VPS13B: variants seen among roughly 807,000 people sequenced by gnomAD.
VPS13B encodes the protein intermembrane lipid transfer protein VPS13B.
In VPS13B, 285 loss-of-function variants were observed where a neutral mutation model predicts 426.4. The ratio of observed to expected loss-of-function variants is 0.67; its 90% CI spans 0.61 to 0.74. The LOEUF is 0.74. VPS13B is among the 30% of genes least tolerant of loss of function. The pLI, the probability that VPS13B is intolerant of heterozygous loss-of-function variation, is 0.00. For synonymous variants in VPS13B, 1,676 were observed against 1,676.4 expected (o/e 1.00, Z 0.01); for missense variants, 4,537 against 4,782.6 (o/e 0.95, Z 1.51).
intron 20 of VPS13B, among the ~76,000 whole-genome samples, chr8:99,384,596 A>G (rs1183571634): frequency 1.3e-5 from 2 of 152,204 alleles, no homozygotes; most frequent in Non-Finnish European, 2.9e-5. Flanking sequence ...TCATTCTTTC[A>G]TAGTGTCTAC....
intron 17 of VPS13B, among the ~76,000 whole-genome samples, chr8:99,236,250 AT>A (rs574131625): frequency 0.014 from 2,004 of 143,460 alleles, 15 homozygotes; most frequent in African/African-American, 0.031. Context: ...GTTGATGTCA[AT>A]TTTTTTTTTT....
At chr8:99,790,831 C>T (rs1470425081) in intron 43 of VPS13B, among the ~76,000 whole-genome samples, 1 of 152,110 alleles carries the variant, frequency 6.6e-6, no homozygotes, top group Non-Finnish European at 1.5e-5. Context: ...GCCACAGAGA[C>T]ATGAAACAAT....
chr8:99,801,043 CCAAA>C (rs901662326), intron 43 of VPS13B, among the ~76,000 whole-genome samples: 3 of 152,216 alleles, frequency 2.0e-5, no homozygotes, highest in South Asian at 4.2e-4. Flanking sequence ...TTTCAAACAG[CCAAA>C]CAGTGACTTT....
At chr8:99,381,814 T>A (rs557404615) in intron 19 of VPS13B, among the ~76,000 whole-genome samples, 81 of 152,238 alleles carry the variant, frequency 5.3e-4, no homozygotes, top group Non-Finnish European at 9.1e-4. Flanking sequence ...TAGATCTTGG[T>A]CAGATGCAGA....
At chr8:99,376,887 C>A (rs1226893431) in intron 19 of VPS13B, among the ~76,000 whole-genome samples, 1 of 151,764 alleles carries the variant, frequency 6.6e-6, no homozygotes, top group Non-Finnish European at 1.5e-5. Flanking sequence ...AGAACATAAT[C>A]CTGAGTTATT....
intron 16 of VPS13B, among the ~76,000 whole-genome samples, chr8:99,182,280 C>CA (rs1812983553): frequency 1.3e-5 from 2 of 151,962 alleles, no homozygotes; most frequent in South Asian, 4.2e-4. Context: ...CTGGAACAGG[C>CA]AAAATTAATC....
At position 99,226,339 on chromosome 8, in the gene VPS13B, C is replaced by G. The variant is rs139156982; in HGVS notation, c.2515+33282C>G. Among the ~76,000 whole-genome samples, 508 of 152,252 alleles carry G rather than the reference C, an allele frequency of 3.3e-3. 2 individuals carry two copies. The highest frequency in any genetic ancestry group is 5.0e-3 in the Non-Finnish European group (338 of 68,008). On this transcript the variant is annotated intron_variant, in intron 17 of 61. Transcript: ENST00000357162. ...TAGCTGAAGCTTCAAATCCTTCAGA[C>G]TGCTTTAGGTGTACTTCTTTTAAGT... is the stretch of plus-strand genomic sequence containing the variant.
In VPS13B at chr8:99,231,622, T is replaced by C. The variant is rs566994419; in HGVS notation, c.2515+38565T>C. Among the ~76,000 whole-genome samples the C allele has an allele frequency of 3.3e-5, 5 of 152,328 alleles. No homozygotes were observed. The South Asian group carries it at 1.0e-3, about 32-fold the overall frequency. ...ACTCTCACCTTCTCCAGGCTGGTTG[T>C]TGATATCTTATTTTTTTTCCAACTC... On this transcript the variant is annotated intron_variant, in intron 17 of 61. Coordinates refer to ENST00000357162, the MANE Select transcript of VPS13B (RefSeq NM_152564.5).
chr8:99,730,575 G>T (rs1833553383), intron 39 of VPS13B, among the ~76,000 whole-genome samples: 1 of 152,064 alleles, frequency 6.6e-6, no homozygotes, highest in Non-Finnish European at 1.5e-5. Context: ...TGAGATTTTT[G>T]AGATTAACTC....
intron 33 of VPS13B, among the ~76,000 whole-genome samples, chr8:99,614,284 T>G (rs1827974465): frequency 6.6e-6 from 1 of 151,960 alleles, no homozygotes. Context: ...TATATATATA[T>G]ATGTATTTTT....
chr8:99,392,243 C>T (rs913729418), intron 21 of VPS13B, among the ~76,000 whole-genome samples: 3 of 152,130 alleles, frequency 2.0e-5, no homozygotes, highest in Non-Finnish European at 2.9e-5. Flanking sequence ...TTCTCTCATA[C>T]TCTCTGCTAG....
intron 3 of VPS13B, among the ~76,000 whole-genome samples, chr8:99,070,229 T>C (rs866004176): frequency 6.6e-6 from 1 of 152,222 alleles, no homozygotes; most frequent in Non-Finnish European, 1.5e-5. Flanking sequence ...AAATTTTTTT[T>C]AGTTCTTCGA....
intron 17 of VPS13B, among the ~76,000 whole-genome samples, chr8:99,269,156 T>C (rs1179230242): frequency 6.6e-6 from 1 of 152,224 alleles, no homozygotes; most frequent in Non-Finnish European, 1.5e-5. Flanking sequence ...CTCGAGTATT[T>C]CTTTATAGCA....
intron 35 of VPS13B, among the ~76,000 whole-genome samples, chr8:99,673,808 T>C (rs1314383381): frequency 6.6e-6 from 1 of 152,042 alleles, no homozygotes; most frequent in East Asian, 1.9e-4. Flanking sequence ...GGAAACACCA[T>C]TTCATTTGTC....
At chr8:99,739,351 G>C (rs902595624) in intron 39 of VPS13B, among the ~76,000 whole-genome samples, 1 of 152,216 alleles carries the variant, frequency 6.6e-6, no homozygotes, top group African/African-American at 2.4e-5. Context: ...GGAGCCCACC[G>C]CAGCTCAAGG....
At chr8:99,013,647 A>T in intron 1 of VPS13B, 113 bp from the exon 2 acceptor site, 2 of 932,766 alleles carry the variant, frequency 2.1e-6, no homozygotes, top group East Asian at 2.5e-5. Flanking sequence ...TCTGTTTCTA[A>T]GAGGAGGCGA....
intron 19 of VPS13B, among the ~76,000 whole-genome samples, chr8:99,356,832 ACTTT>A (rs1434463895): frequency 6.6e-6 from 1 of 152,138 alleles, no homozygotes; most frequent in Non-Finnish European, 1.5e-5. Context: ...TAGACTGAAT[ACTTT>A]CTTCAACCTT....
intron 21 of VPS13B, among the ~76,000 whole-genome samples, chr8:99,429,235 C>A (rs1460659805): frequency 2.1e-5 from 3 of 146,284 alleles, no homozygotes; most frequent in African/African-American, 7.6e-5. Context: ...ACATATGTAA[C>A]AAACCTGCAC....
intron 35 of VPS13B, among the ~76,000 whole-genome samples, chr8:99,686,982 C>A (rs1831437863): frequency 6.6e-6 from 1 of 152,054 alleles, no homozygotes; most frequent in South Asian, 2.1e-4. Context: ...CTCAAACCAG[C>A]ATATCTTTGA....
Sources: allele counts gnomAD v4.1 joint callset (sites outside exome capture counted in the v4.1 genomes callset), GRCh38; gene constraint gnomAD v4.1.1; transcripts MANE v1.5; gene names NCBI Gene and HGNC (gene_info 2026-07-23, HGNC 2026-07-21).